GRIN2A: variants seen among roughly 807,000 people sequenced by gnomAD.
The protein encoded by GRIN2A is glutamate receptor ionotropic, NMDA 2A.
A neutral mutation model predicts 113.4 loss-of-function variants in GRIN2A; 22 were observed. The ratio of observed to expected loss-of-function variants is 0.19; its 90% CI spans 0.14 to 0.28. The LOEUF (loss-of-function observed/expected upper bound fraction) is 0.28. Among genes scored for constraint, GRIN2A ranks in the 10% least tolerant of loss-of-function variants. The pLI is 1.00. For synonymous variants in GRIN2A, 827 were observed against 738.4 expected (o/e 1.12, Z -1.94); for missense variants, 1,502 against 1,887.0 (o/e 0.80, Z 3.78).
At chr16:10,153,157 AT>A (rs1263041109) in intron 2 of GRIN2A, among the ~76,000 whole-genome samples, 1 of 152,168 alleles carries the variant, frequency 6.6e-6, no homozygotes, top group Non-Finnish European at 1.5e-5. Flanking sequence ...AGTTGGTACT[AT>A]TCTGGTGGGG....
chr16:10,175,230 C>T (rs969334793), intron 2 of GRIN2A, among the ~76,000 whole-genome samples: 2 of 152,156 alleles, frequency 1.3e-5, no homozygotes, highest in African/African-American at 2.4e-5. Flanking sequence ...TTTCTCAGAA[C>T]GTGTCCCACC....
intron 2 of GRIN2A, among the ~76,000 whole-genome samples, chr16:10,018,524 T>C (rs16956785): frequency 0.017 from 2,619 of 152,246 alleles, 86 homozygotes; most frequent in African/African-American, 0.06. Context: ...GACCTTCTTA[T>C]AGATGGCTGA....
At chr16:9,787,690 C>T (rs1194259556) in intron 11 of GRIN2A, among the ~76,000 whole-genome samples, 1 of 152,190 alleles carries the variant, frequency 6.6e-6, no homozygotes, top group Non-Finnish European at 1.5e-5. Flanking sequence ...TGTAGTTATC[C>T]TTCTCGTGTT....
At chr16:9,874,644 C>A (rs1049321862) in intron 4 of GRIN2A, among the ~76,000 whole-genome samples, 1 of 152,226 alleles carries the variant, frequency 6.6e-6, no homozygotes, top group African/African-American at 2.4e-5. Flanking sequence ...ACTTTGCAGT[C>A]TAGCAGACCT....
chr16:9,923,562 C>T (rs959869841), intron 3 of GRIN2A, among the ~76,000 whole-genome samples: 1 of 151,690 alleles, frequency 6.6e-6, no homozygotes, highest in Non-Finnish European at 1.5e-5. Context: ...GGCTTATTAG[C>T]CAGAGCATTG....
chr16:9,772,945 AG>A (rs1901370661), intron 11 of GRIN2A, among the ~76,000 whole-genome samples: 4 of 146,566 alleles, frequency 2.7e-5, no homozygotes, highest in African/African-American at 9.9e-5. Context: ...AAAAAAAAAG[AG>A]CAAATGCACA....
At chr16:10,176,798 T>G (rs1045946077) in intron 2 of GRIN2A, among the ~76,000 whole-genome samples, 2 of 152,002 alleles carry the variant, frequency 1.3e-5, no homozygotes, top group Non-Finnish European at 2.9e-5. Context: ...TGTATACATA[T>G]GTAACAAACC....
intron 2 of GRIN2A, among the ~76,000 whole-genome samples, chr16:10,039,795 AGGGGGAG>A (rs2047111925): frequency 1.1e-4 from 1 of 8,920 alleles, no homozygotes; most frequent in Non-Finnish European, 2.1e-4. Context: ...GGGGAGGGGG[AGGGGGAG>A]GGGGGGGAGA....
At chr16:9,886,632 A>G (rs1319048387) in intron 4 of GRIN2A, among the ~76,000 whole-genome samples, 1 of 152,176 alleles carries the variant, frequency 6.6e-6, no homozygotes, top group Non-Finnish European at 1.5e-5. Flanking sequence ...TCTCTTGTTT[A>G]TGATGGACTC....
chr16:10,117,051 T>C (rs1254669289), intron 2 of GRIN2A, among the ~76,000 whole-genome samples: 1 of 137,644 alleles, frequency 7.3e-6, no homozygotes, highest in Non-Finnish European at 1.6e-5. Context: ...ATATTCTAGC[T>C]CAAGTGACTG....
chr16:10,053,047 CA>C lies in GRIN2A; in HGVS notation c.415-114497del, dbSNP rs34069709. 5.6e-3 allele frequency among the ~76,000 whole-genome samples: 733 copies of C among 130,424 alleles called. 4 individuals carry two copies. Among genetic ancestry groups the C allele is most frequent in the Middle Eastern group, 0.017 (4 of 236 alleles). 85.6% of individuals were successfully genotyped at this position (130,424 alleles called of 152,430 possible). ...TGGGCAACAGAGCAAGACTCCATCTCAAAAAAAAAAAAAAAATACAGACAGT... is the reference window on the plus strand; with the variant it reads ...TGGGCAACAGAGCAAGACTCCATCTCAAAAAAAAAAAAAAATACAGACAGT... On this transcript the variant is annotated intron_variant, in intron 2 of 12. Transcript: ENST00000330684.
intron 4 of GRIN2A, among the ~76,000 whole-genome samples, chr16:9,883,806 A>G (rs1215453733): frequency 6.6e-6 from 1 of 152,146 alleles, no homozygotes; most frequent in Non-Finnish European, 1.5e-5. Context: ...TGCAAAATGC[A>G]CCTGAAACCA....
At chr16:9,847,767 A>G (rs2042801733) in intron 5 of GRIN2A, among the ~76,000 whole-genome samples, 1 of 149,048 alleles carries the variant, frequency 6.7e-6, no homozygotes, top group Non-Finnish European at 1.5e-5. Context: ...TTTTTAACAT[A>G]TAAAAACATA....
At chr16:10,139,656 T>C (rs528992213) in intron 2 of GRIN2A, among the ~76,000 whole-genome samples, 2 of 152,264 alleles carry the variant, frequency 1.3e-5, no homozygotes, top group East Asian at 3.9e-4. Context: ...AAGGCAAGTA[T>C]GCAACCTTAC....
At chr16:9,979,350 TAC>T (rs2045838999) in intron 2 of GRIN2A, among the ~76,000 whole-genome samples, 1 of 152,198 alleles carries the variant, frequency 6.6e-6, no homozygotes, top group Admixed American at 6.5e-5. Context: ...CATTTTGCTC[TAC>T]AATAGACCTT....
intron 4 of GRIN2A, among the ~76,000 whole-genome samples, chr16:9,864,953 G>A (rs1440028707): frequency 6.6e-6 from 1 of 152,204 alleles, no homozygotes; most frequent in Non-Finnish European, 1.5e-5. Flanking sequence ...AAGCCGTTGT[G>A]CATGGGTGAA....
chr16:10,088,640 G>A (rs974545000), intron 2 of GRIN2A, among the ~76,000 whole-genome samples: 7 of 152,310 alleles, frequency 4.6e-5, no homozygotes, highest in African/African-American at 1.2e-4. Flanking sequence ...TTCCTCCCTA[G>A]AGGAGTTTCT....
At chr16:10,120,991 A>G (rs2048822543) in intron 2 of GRIN2A, among the ~76,000 whole-genome samples, 2 of 152,050 alleles carry the variant, frequency 1.3e-5, no homozygotes, top group African/African-American at 4.8e-5. Context: ...ATCCTATTCT[A>G]TTTCTAATTC....
intron 8 of GRIN2A, among the ~76,000 whole-genome samples, chr16:9,830,835 T>C (rs1422599047): frequency 1.3e-5 from 2 of 152,244 alleles, no homozygotes; most frequent in Non-Finnish European, 2.9e-5. Flanking sequence ...TTGGCTAGTT[T>C]TGTGATCTTC....
Sources: allele counts gnomAD v4.1 joint callset (sites outside exome capture counted in the v4.1 genomes callset), GRCh38; gene constraint gnomAD v4.1.1; transcripts MANE v1.5; gene names NCBI Gene and HGNC (gene_info 2026-07-23, HGNC 2026-07-21).